The following SMYD3 variants were observed in gnomAD, a reference collection of about 807,000 sequenced individuals.
SMYD3 encodes SET and MYND domain containing 3.
SMYD3 carries 36 observed loss-of-function variants against 57.7 expected under a neutral mutation model. The ratio of observed to expected loss-of-function variants is 0.62; its 90% CI spans 0.48 to 0.82. The LOEUF (loss-of-function observed/expected upper bound fraction) is 0.82, where lower values mean the gene tolerates loss of function less well. SMYD3 is among the 40% of genes least tolerant of loss of function. The pLI, the probability that SMYD3 is intolerant of heterozygous loss-of-function variation, is 0.00. For synonymous variants in SMYD3, 211 were observed against 195.0 expected (o/e 1.08, Z -0.68); for missense variants, 515 against 538.8 (o/e 0.96, Z 0.44).
intron 5 of SMYD3, among the ~76,000 whole-genome samples, chr1:246,088,572 T>A (rs575225409): frequency 0.014 from 1,892 of 133,196 alleles, 75 homozygotes; most frequent in African/African-American, 0.062. Context: ...ATCATGCCAC[T>A]GCACTCCAGC....
intron 10 of SMYD3, among the ~76,000 whole-genome samples, chr1:245,803,992 CA>C (rs1368367589): frequency 1.3e-5 from 2 of 150,444 alleles, no homozygotes; most frequent in African/African-American, 4.9e-5. Flanking sequence ...CGGCTCACTG[CA>C]ACCTCCGCCT....
intron 5 of SMYD3, among the ~76,000 whole-genome samples, chr1:245,959,965 A>C (rs1024252845): frequency 1.3e-5 from 2 of 152,046 alleles, no homozygotes; most frequent in Non-Finnish European, 2.9e-5. Context: ...TTTTCTGTAG[A>C]GACAAGGTTT....
intron 5 of SMYD3, among the ~76,000 whole-genome samples, chr1:245,934,215 T>C (rs2056877514): frequency 1.3e-5 from 2 of 152,212 alleles, no homozygotes; most frequent in African/African-American, 2.4e-5. Context: ...CGGAGTTTAA[T>C]GTACTTAGTT....
chr1:245,806,801 T>C (rs1432133842), intron 10 of SMYD3, among the ~76,000 whole-genome samples: 6 of 150,402 alleles, frequency 4.0e-5, no homozygotes, highest in African/African-American at 1.5e-4. Context: ...TCCCAGCTAC[T>C]CGGGAGGCTG....
chr1:245,972,986 T>C (rs190305893), intron 5 of SMYD3, among the ~76,000 whole-genome samples: 358 of 152,308 alleles, frequency 2.4e-3, no homozygotes, highest in Non-Finnish European at 4.1e-3. Flanking sequence ...CTGGCACAAA[T>C]TGGGTACTCA....
chr1:246,477,620 A>G (rs2068045532), intron 1 of SMYD3, among the ~76,000 whole-genome samples: 1 of 152,268 alleles, frequency 6.6e-6, no homozygotes, highest in Non-Finnish European at 1.5e-5. Flanking sequence ...ATTCAATTAC[A>G]TAGTTACAGC....
intron 5 of SMYD3, among the ~76,000 whole-genome samples, chr1:246,082,987 G>A (rs55851066): frequency 0.25 from 33,411 of 135,588 alleles, 6,197 homozygotes; most frequent in African/African-American, 0.5. Flanking sequence ...GCGGAAGGCT[G>A]CAGGGACCTC....
chr1:246,326,512 G>A (rs950790989), intron 5 of SMYD3: 26 of 545,608 alleles, frequency 4.8e-5, no homozygotes, highest in Middle Eastern at 4.2e-4. Context: ...GGCAGTTCGC[G>A]CCTGTAATCC....
chr1:245,920,229 C>T (rs891286031), intron 7 of SMYD3, among the ~76,000 whole-genome samples: 2 of 144,412 alleles, frequency 1.4e-5, no homozygotes, highest in African/African-American at 2.6e-5. Context: ...AGGAGGATGG[C>T]GTGAACTCGG....
At chr1:246,326,417 C>A (rs1310983893) in intron 5 of SMYD3, 1 of 682,822 alleles carries the variant, frequency 1.5e-6, no homozygotes, top group South Asian at 1.6e-5. Flanking sequence ...AAAAAAAAAT[C>A]AATCATCGCA....
chr1:246,095,748 G>T (rs186221227), intron 5 of SMYD3, among the ~76,000 whole-genome samples: 3 of 152,156 alleles, frequency 2.0e-5, no homozygotes, highest in South Asian at 2.1e-4. Context: ...ATGGCGGCAC[G>T]TGCCACAGTC....
rs571940580 is a variant in SMYD3, at chr1:246,282,965, A to AC, written c.531+44235dup. Among the ~76,000 whole-genome samples, 685 of 152,292 alleles carry AC rather than the reference A, an allele frequency of 4.5e-3. 4 individuals are homozygous for AC. The highest frequency in any genetic ancestry group is 0.02 in the Middle Eastern group (6 of 294). The stretch of plus-strand genomic sequence containing the variant: ...CTGTCAATACTTTCTATATCATCCT[A>AC]CCACTGCTGCAAACTTCTTCCTTCA... On this transcript the variant is annotated intron_variant, in intron 5 of 11. Transcript: ENST00000490107.
chr1:246,007,339 T>C (rs1449200624), intron 5 of SMYD3, among the ~76,000 whole-genome samples: 2 of 152,082 alleles, frequency 1.3e-5, no homozygotes, highest in African/African-American at 2.4e-5. Context: ...AGGGAAAGAT[T>C]TGGGTGCCTC....
intron 1 of SMYD3, among the ~76,000 whole-genome samples, chr1:246,458,685 C>G (rs1371422430): frequency 8.0e-6 from 1 of 124,694 alleles, no homozygotes; most frequent in African/African-American, 3.1e-5. Flanking sequence ...CCAGGATGGT[C>G]TGGATCTCCT....
chr1:246,502,285 T>C (rs191531925), intron 1 of SMYD3, among the ~76,000 whole-genome samples: 1 of 152,092 alleles, frequency 6.6e-6, no homozygotes, highest in East Asian at 1.9e-4. Flanking sequence ...ACTACAGGCA[T>C]GCACCCAGGT....
intron 5 of SMYD3, among the ~76,000 whole-genome samples, chr1:246,018,207 C>T (rs1408845769): frequency 6.6e-6 from 1 of 152,214 alleles, no homozygotes; most frequent in African/African-American, 2.4e-5. Flanking sequence ...CTCTTTCTCT[C>T]TGTGGAATAC....
At chr1:245,839,411 C>T (rs532868666) in intron 10 of SMYD3, among the ~76,000 whole-genome samples, 36 of 152,006 alleles carry the variant, frequency 2.4e-4, no homozygotes, top group Admixed American at 5.9e-4. Context: ...CCTCGTGATC[C>T]GCCCACCTCG....
At position 246,432,015 on chromosome 1, in the gene SMYD3, T is replaced by C. The variant is rs527662364; in HGVS notation, c.164+75039A>G. 1.0e-3 allele frequency among the ~76,000 whole-genome samples: 157 copies of C among 152,326 alleles called. 1 individual carries two copies. The highest frequency in any genetic ancestry group is 1.8e-3 in the Non-Finnish European group (124 of 68,014). On this transcript the variant is annotated intron_variant, in intron 1 of 11. Coordinates refer to ENST00000490107, the MANE Select transcript of SMYD3 (RefSeq NM_001167740.2). Reference sequence around the variant, plus strand: ...AAAAGTATATAGTCTGGCAACTCAATAGACATGTATTTTTTAAAAATCTCA... The same window carrying C: ...AAAAGTATATAGTCTGGCAACTCAACAGACATGTATTTTTTAAAAATCTCA...
intron 10 of SMYD3, among the ~76,000 whole-genome samples, chr1:245,835,747 G>T (rs1477091388): frequency 1.3e-5 from 2 of 152,136 alleles, no homozygotes; most frequent in African/African-American, 4.8e-5. Flanking sequence ...ACACTCTCTG[G>T]ACTGTATGGG....
Sources: gnomAD v4.1 joint callset for allele counts (sites outside exome capture counted in the v4.1 genomes callset) on GRCh38, gnomAD v4.1.1 for gene constraint, MANE v1.5 for transcripts, NCBI Gene and HGNC (gene_info 2026-07-23, HGNC 2026-07-21) for gene names.